The following CDC20 variants were observed in gnomAD, a reference collection of about 807,000 sequenced individuals.
The protein encoded by CDC20 is cell division cycle protein 20 homolog.
Under a neutral mutation model 60.0 loss-of-function variants are expected in CDC20, and 34 were observed. The ratio of observed to expected loss-of-function variants is 0.57; its 90% confidence interval spans 0.43 to 0.75. The LOEUF (loss-of-function observed/expected upper bound fraction) is 0.75. CDC20 is among the 30% of genes least tolerant of loss of function. The pLI is 0.00. For missense variants in CDC20, 469 were observed against 647.3 expected (o/e 0.72, Z 2.99); for synonymous variants, 198 against 243.5 (o/e 0.81, Z 1.74).
In CDC20 at chr1:43,361,197, G is replaced by C. The variant is rs757848486; in HGVS notation, c.1155G>C (p.Trp385Cys). The change falls in exon 9 of 11, where the codon TGG (tryptophan) becomes TGC (cysteine). Residue 385 changes from tryptophan to cysteine, a missense_variant. Trp to Cys is a radical substitution (Grantham distance 215). This residue lies in a region of CDC20 where 255 missense variants were observed against 326.7 expected (regional missense o/e 0.78). Transcript: ENST00000310955. Reference sequence around the variant, plus strand: ...CCAGTGATCGACACATTCGCATCTGGAATGTGTGCTCTGGGGCCTGTCTGA... The same window carrying C: ...CCAGTGATCGACACATTCGCATCTGCAATGTGTGCTCTGGGGCCTGTCTGA... ...GGTSDRHIRI[W>C]NVCSGACLSA... is the part of the protein sequence containing the mutation. 1 of 1,613,696 alleles carries C rather than the reference G, an allele frequency of 6.2e-7. No homozygotes were observed. Among genetic ancestry groups the C allele is most frequent in the South Asian group, 1.1e-5 (1 of 91,024 alleles).
chr1:43,362,602 C>T (rs1040239982), intron 10 of CDC20, among the ~76,000 whole-genome samples: 7 of 152,080 alleles, frequency 4.6e-5, no homozygotes, highest in African/African-American at 1.4e-4. Context: ...CGGTGGCTCA[C>T]GCCTGTAATC....
chr1:43,361,727 G>T (rs1647173527), intron 9 of CDC20, among the ~76,000 whole-genome samples: 1 of 152,130 alleles, frequency 6.6e-6, no homozygotes, highest in East Asian at 1.9e-4. Context: ...CTGTTATACT[G>T]TACTGTCCTT....
chr1:43,362,869 A>T, intron 10 of CDC20, 82 bp from the exon 11 acceptor site: 1 of 1,090,632 alleles, frequency 9.2e-7, no homozygotes. Context: ...AAAAAAAACA[A>T]AAAGGTAGGT....
Position 43,359,647 on chromosome 1 carries a change from C to T in CDC20, c.330+9C>T. 1 of 1,613,922 alleles carries T rather than the reference C, an allele frequency of 6.2e-7. No individual in the cohort carries two copies. The highest frequency in any genetic ancestry group is 8.5e-7 in the Non-Finnish European group (1 of 1,180,032). ...AGACGCCCACCAAGAAGGTATGTGT[C>T]CCAGAGGGGCTTAAGGCACGGGACC... is the stretch of plus-strand genomic sequence containing the variant. On this transcript the variant is annotated intron_variant, in intron 3 of 10. Transcript: ENST00000310955.
At position 43,360,540 on chromosome 1, in the gene CDC20, C is replaced by G. The variant is rs1647168029; in HGVS notation, c.795C>G (p.Thr265=). 3.1e-6 allele frequency: 5 copies of G among 1,614,006 alleles called. No homozygotes were observed. The South Asian group carries it at 3.3e-5, about 11-fold the overall frequency. Reference sequence around the variant, plus strand: ...AGCAGAAACGGCTTCGAAATATGACCAGTCACTCTGCCCGAGTGGGCTCCC... The same window carrying G: ...AGCAGAAACGGCTTCGAAATATGACGAGTCACTCTGCCCGAGTGGGCTCCC... The part of the protein sequence containing the change: ...VQQQKRLRNM[T]SHSARVGSLS... The change falls in exon 7 of 11, where the codon ACC becomes ACG. Residue 265 remains threonine (T), a synonymous_variant. Transcript: ENST00000310955.
At chr1:43,360,684 T>C (rs1236748006) in intron 7 of CDC20, 49 bp from the exon 8 acceptor site, 1 of 1,586,242 alleles carries the variant, frequency 6.3e-7, no homozygotes. Flanking sequence ...TCTGGCTTGC[T>C]TGCATTTGGT....
In CDC20 at chr1:43,361,253, T is replaced by C; in HGVS notation, c.1203+8T>C. 1 of 1,588,772 alleles carries C rather than the reference T, an allele frequency of 6.3e-7. No homozygotes were observed. Among genetic ancestry groups the C allele is most frequent in the Non-Finnish European group, 8.6e-7 (1 of 1,166,954 alleles). ...GTGGATGCCCATTCCCAGGTAATCT[T>C]TTGCCTGTTCCTGCCTCTCCCACAT... is the stretch of plus-strand genomic sequence containing the variant. On this transcript the variant is annotated splice_region_variant and intron_variant, in intron 9 of 10. Transcript: ENST00000310955.
rs1325492757 is a variant in CDC20, at chr1:43,359,999, G to A, written c.458G>A (p.Ser153Asn). The change falls in exon 5 of 11, where the codon AGC becomes AAC. Residue 153 changes from serine to asparagine, a missense_variant. By Grantham distance (46) the Ser-to-Asn change is conservative. Transcript: ENST00000310955. The stretch of plus-strand genomic sequence containing the variant: ...CAGAACAGACTGAAAGTACTCTACA[G>A]CCAAAAGGCCACTCCTGGCTCCAGC... ...GYQNRLKVLY[S>N]QKATPGSSRK... The A allele has an allele frequency of 3.1e-6, 5 of 1,614,046 alleles. No individual in the cohort carries two copies. Among genetic ancestry groups the A allele is most frequent in the Admixed American group, 1.7e-5 (1 of 60,002 alleles).
In CDC20 at chr1:43,363,050, A is replaced by G. The variant is rs1647180192; in HGVS notation, c.1421A>G (p.Glu474Gly). ...DETLRLWRCF[E>G]LDPARRRERE... The stretch of plus-strand genomic sequence containing the variant: ...ACCCTGAGGCTATGGCGCTGTTTTG[A>G]GTTGGACCCTGCGCGGCGGCGGGAG... Residue 474 changes from glutamate to glycine, a missense_variant, in exon 11 of 11, where the codon GAG becomes GGG. This residue lies in a region of CDC20 where 72 missense variants were observed against 77.9 expected (regional missense o/e 0.92). Transcript: ENST00000310955. 1 of 1,613,422 alleles carries G rather than the reference A, an allele frequency of 6.2e-7. No individual in the cohort carries two copies. The highest frequency in any genetic ancestry group is 1.3e-5 in the African/African-American group (1 of 74,844).
chr1:43,362,758 G>A (rs1027842404), intron 10 of CDC20, among the ~76,000 whole-genome samples, 193 bp from the exon 11 acceptor site: 47 of 152,102 alleles, frequency 3.1e-4, no homozygotes, highest in African/African-American at 1.1e-3. Context: ...CCAGCTACTC[G>A]GGAGGCTGAG....
At chr1:43,361,365 C>T (rs1188684007) in intron 9 of CDC20, 120 bp downstream of exon 9, 7 of 968,804 alleles carry the variant, frequency 7.2e-6, no homozygotes, top group Admixed American at 2.8e-5. Flanking sequence ...TCAGCTCTCA[C>T]TCATGAGCTT....
In CDC20 at chr1:43,360,607, G is replaced by C. The variant is rs1349385725; in HGVS notation, c.848+14G>C. 1.2e-6 allele frequency: 2 copies of C among 1,608,586 alleles called. No individual in the cohort carries two copies. Among genetic ancestry groups the C allele is most frequent in the Non-Finnish European group, 1.7e-6 (2 of 1,175,030 alleles). ...TATCCTGTCCAGGTCAGTGGTTTTT[G>C]TTGGTCTATGGTAGTCTGATATTTG... On this transcript the variant is annotated intron_variant, in intron 7 of 10. Transcript: ENST00000310955.
chr1:43,361,331 C>T (rs1344547567), intron 9 of CDC20, 86 bp downstream of exon 9: 50 of 1,294,264 alleles, frequency 3.9e-5, no homozygotes, highest in Non-Finnish European at 5.1e-5. Context: ...AACTCTATGC[C>T]CTGGTGATTC....
rs756618308 is a variant in CDC20, at chr1:43,360,387, C to CAGGTG, written c.753+1_753+5dup. On this transcript the variant is annotated frameshift_variant and splice_region_variant, in exon 6 of 11. Coordinates refer to ENST00000310955, the MANE Select transcript of CDC20 (RefSeq NM_001255.3). LOFTEE classifies it high-confidence loss of function. The stretch of plus-strand genomic sequence containing the variant: ...TGTGGGCACCAGCAGTGCTGAGGTG[C>CAGGTG]AGGTGAGACGTGTCCAGTGCTGTCA... 1.9e-6 allele frequency: 3 copies of CAGGTG among 1,614,066 alleles called. No individual in the cohort carries two copies. Among genetic ancestry groups the CAGGTG allele is most frequent in the Non-Finnish European group, 2.5e-6 (3 of 1,179,904 alleles).
intron 7 of CDC20, 56 bp from the exon 8 acceptor site, chr1:43,360,677 G>T: frequency 2.5e-6 from 4 of 1,581,582 alleles, no homozygotes; most frequent in Non-Finnish European, 1.7e-6. Flanking sequence ...AACCAGCTCT[G>T]GCTTGCTTGC....
rs776370059 is a variant in CDC20, at chr1:43,362,821, C to T, written c.1322-130C>T. On this transcript the variant is annotated intron_variant, in intron 10 of 10. Transcript: ENST00000310955. Reference sequence around the variant, plus strand: ...CGGAGCTTGCAGTGAGCCAAGATTGCGCCACTGCACTCCAGCCTGGGTGAC... The same window carrying T: ...CGGAGCTTGCAGTGAGCCAAGATTGTGCCACTGCACTCCAGCCTGGGTGAC... 7.6e-5 allele frequency: 51 copies of T among 670,390 alleles called. No individual in the cohort carries two copies. The East Asian group carries it at 8.2e-4, about 11-fold the overall frequency. 41.5% of individuals were successfully genotyped at this position (670,390 alleles called of 1,614,324 possible).
intron 4 of CDC20, 61 bp from the exon 5 acceptor site, chr1:43,359,908 A>G (rs1217683646): frequency 6.3e-7 from 1 of 1,589,020 alleles, no homozygotes; most frequent in African/African-American, 1.3e-5. Flanking sequence ...CTTCCTATCT[A>G]AGATTGAGGG....
At chr1:43,359,683 T>A (rs749800693) in intron 3 of CDC20, 42 bp from the exon 4 acceptor site, 1 of 1,613,562 alleles carries the variant, frequency 6.2e-7, no homozygotes, top group South Asian at 1.1e-5. Context: ...TGACTGTTCT[T>A]TGGATAATAC....
chr1:43,362,961 C>G lies in CDC20; in HGVS notation c.1332C>G (p.Ser444=), dbSNP rs750370821. 3 of 1,595,048 alleles carry G rather than the reference C, an allele frequency of 1.9e-6. No homozygotes were observed. Among genetic ancestry groups the G allele is most frequent in the South Asian group, 2.3e-5 (2 of 87,712 alleles). The change falls in exon 11 of 11, where the codon TCC becomes TCG. Residue 444 remains serine, a synonymous_variant. Transcript: ENST00000310955. ...TCTCATTTGCTCCAGGTCACACATC[C>G]CGGGTCCTGAGTCTGACCATGAGCC... ...AKVAELKGHT[S]RVLSLTMSPD...
Sources: allele counts gnomAD v4.1 joint callset (sites outside exome capture counted in the v4.1 genomes callset), GRCh38; gene constraint gnomAD v4.1.1; regional missense constraint gnomAD v4.1.1; transcripts MANE v1.5; gene names NCBI Gene and HGNC (gene_info 2026-07-23, HGNC 2026-07-21).